Variants in HDX observed in about 807,000 individuals in gnomAD.
HDX encodes the protein chromosome X open reading frame 43.
In HDX, 19 loss-of-function variants were observed where a neutral mutation model predicts 45.2. The ratio of observed to expected loss-of-function variants is 0.42; its 90% CI spans 0.29 to 0.62. The LOEUF (loss-of-function observed/expected upper bound fraction) is 0.62. Among genes scored for constraint, HDX ranks in the 20% least tolerant of loss-of-function variants. HDX has a pLI of 0.20. For missense variants in HDX, 532 were observed against 493.9 expected (o/e 1.08, Z -0.73); for synonymous variants, 188 against 172.8 (o/e 1.09, Z -0.69).
chrX:84,439,458 T>C (rs1298200555), intron 5 of HDX, among the ~76,000 whole-genome samples: 4 of 111,216 alleles, frequency 3.6e-5, no homozygotes, highest in African/African-American at 1.3e-4. Flanking sequence ...TTTTGGTGAG[T>C]TAGCCATAAA....
chrX:84,456,821 G>A (rs931153705), intron 4 of HDX, among the ~76,000 whole-genome samples: 4 of 111,606 alleles, frequency 3.6e-5, no homozygotes, highest in African/African-American at 1.3e-4. Context: ...AACATCAAGA[G>A]GCTATAACAG....
chrX:84,443,727 G>A (rs2039811568), intron 4 of HDX, among the ~76,000 whole-genome samples: 1 of 111,939 alleles, frequency 8.9e-6, no homozygotes, highest in African/African-American at 3.2e-5. Flanking sequence ...CCTCAAATGA[G>A]AATTATTTGT....
chrX:84,477,895 A>G (rs1382913205), intron 2 of HDX, among the ~76,000 whole-genome samples: 1 of 111,619 alleles, frequency 9.0e-6, no homozygotes, highest in Admixed American at 9.5e-5. Context: ...GTAACAATTT[A>G]TTTAGTGTTA....
At chrX:84,390,112 G>T (rs1271079924) in intron 5 of HDX, among the ~76,000 whole-genome samples, 1 of 109,806 alleles carries the variant, frequency 9.1e-6, no homozygotes, top group Non-Finnish European at 1.9e-5. Context: ...CATTATGGTG[G>T]TTTACTTCGT....
intron 5 of HDX, among the ~76,000 whole-genome samples, chrX:84,424,864 C>T (rs2039349336): frequency 9.4e-6 from 1 of 106,262 alleles, no homozygotes; most frequent in Non-Finnish European, 2.0e-5. Context: ...ACTACTACTA[C>T]AAAAAAAAAA....
chrX:84,440,418 T>G, intron 5 of HDX, 114 bp downstream of exon 5: 1 of 519,893 alleles, frequency 1.9e-6, no homozygotes, highest in Non-Finnish European at 3.4e-6. Flanking sequence ...GACAATGTAG[T>G]CCTATCAAGG....
chrX:84,455,931 T>A (rs2148105142), intron 4 of HDX, among the ~76,000 whole-genome samples: 1 of 112,308 alleles, frequency 8.9e-6, no homozygotes, highest in Non-Finnish European at 1.9e-5. Flanking sequence ...ATATTTAAAC[T>A]GCTTAAGAAA....
intron 6 of HDX, among the ~76,000 whole-genome samples, chrX:84,354,928 CACATATATATATATATAT>C (rs2037440662): frequency 4.7e-5 from 1 of 21,378 alleles, no homozygotes; most frequent in Non-Finnish European, 8.1e-5. Flanking sequence ...TACACACACA[CACATATATATATATATAT>C]ATATATATAT....
chrX:84,468,226 A>T (rs893512478), intron 4 of HDX, among the ~76,000 whole-genome samples: 2 of 111,931 alleles, frequency 1.8e-5, no homozygotes, highest in African/African-American at 6.5e-5. Flanking sequence ...CCAGAACAAA[A>T]TCATTTTAAA....
chrX:84,366,192 GACAA>G (rs1290777521), intron 5 of HDX, among the ~76,000 whole-genome samples: 1 of 111,405 alleles, frequency 9.0e-6, no homozygotes, highest in Non-Finnish European at 1.9e-5. Flanking sequence ...ACCAATAATA[GACAA>G]ACAGAGACCC....
intron 2 of HDX, among the ~76,000 whole-genome samples, chrX:84,484,807 C>T (rs1236132556): frequency 9.0e-6 from 1 of 111,495 alleles, no homozygotes; most frequent in African/African-American, 3.3e-5. Flanking sequence ...ATTTACTAGT[C>T]TCTTCATTTG....
chrX:84,420,371 G>A (rs778792639), intron 5 of HDX, among the ~76,000 whole-genome samples: 8 of 110,863 alleles, frequency 7.2e-5, no homozygotes, highest in African/African-American at 2.6e-4. Context: ...TCCTTTAATA[G>A]TAGAAATGAT....
At chrX:84,430,327 T>C (rs2039474341) in intron 5 of HDX, among the ~76,000 whole-genome samples, 1 of 111,124 alleles carries the variant, frequency 9.0e-6, no homozygotes, top group African/African-American at 3.3e-5. Flanking sequence ...GTTCCATCAA[T>C]GTTGATATGA....
chrX:84,372,725 T>C (rs181040629), intron 5 of HDX, among the ~76,000 whole-genome samples: 1 of 112,231 alleles, frequency 8.9e-6, no homozygotes, highest in East Asian at 2.8e-4. Flanking sequence ...TTATCATAGA[T>C]ATGACTTAGC....
intron 5 of HDX, among the ~76,000 whole-genome samples, chrX:84,410,446 G>C (rs2038958044): frequency 9.0e-6 from 1 of 111,292 alleles, no homozygotes; most frequent in African/African-American, 3.3e-5. Flanking sequence ...GTGTGCGCAC[G>C]TTTATGTAAT....
At chrX:84,445,638 A>G (rs1025686163) in intron 4 of HDX, among the ~76,000 whole-genome samples, 1 of 110,226 alleles carries the variant, frequency 9.1e-6, no homozygotes. Context: ...TAAATTATTT[A>G]TGATTGAGAA....
At chrX:84,453,600 C>T (rs954037529) in intron 4 of HDX, among the ~76,000 whole-genome samples, 6 of 112,055 alleles carry the variant, frequency 5.4e-5, no homozygotes, top group African/African-American at 1.9e-4. Flanking sequence ...CCATTGAGGG[C>T]TAAAGTGCTT....
chrX:84,337,059 G>A (rs144968502), intron 7 of HDX, among the ~76,000 whole-genome samples, 179 bp from the exon 8 acceptor site: 35 of 110,826 alleles, frequency 3.2e-4, no homozygotes, highest in African/African-American at 1.1e-3. Flanking sequence ...AAGTAGGGAT[G>A]GGGGCAAATA....
intron 5 of HDX, among the ~76,000 whole-genome samples, chrX:84,407,495 A>G (rs1188950766): frequency 9.0e-6 from 1 of 111,066 alleles, no homozygotes; most frequent in African/African-American, 3.3e-5. Context: ...TATCTTTGCT[A>G]TTGTGAAGAG....
Sources: gnomAD v4.1 joint callset for allele counts (sites outside exome capture counted in the v4.1 genomes callset) on GRCh38, gnomAD v4.1.1 for gene constraint, MANE v1.5 for transcripts, NCBI Gene and HGNC (gene_info 2026-07-23, HGNC 2026-07-21) for gene names.